Variants in SPOCK1 observed in about 807,000 individuals in gnomAD.
The protein encoded by SPOCK1 is SPARC (osteonectin), cwcv and kazal like domains proteoglycan 1.
In SPOCK1, 23 loss-of-function variants were observed where a neutral mutation model predicts 55.3. That is an observed-to-expected ratio of 0.42 (90% CI 0.30 to 0.59). The LOEUF (loss-of-function observed/expected upper bound fraction) is 0.59, where lower values mean the gene tolerates loss of function less well. SPOCK1 is among the 20% of genes least tolerant of loss of function. SPOCK1 has a pLI of 0.22. For synonymous variants in SPOCK1, 226 were observed against 221.0 expected (o/e 1.02, Z -0.20); for missense variants, 499 against 552.5 (o/e 0.90, Z 0.97).
At chr5:137,246,780 G>T (rs892617) in intron 3 of SPOCK1, among the ~76,000 whole-genome samples, 10,253 of 152,170 alleles carry the variant, frequency 0.067, 1,059 homozygotes, top group African/African-American at 0.23. Context: ...ACATGTGGCC[G>T]TGGCACATGA....
intron 5 of SPOCK1, among the ~76,000 whole-genome samples, chr5:137,069,588 G>A (rs1388538422): frequency 6.6e-6 from 1 of 152,184 alleles, no homozygotes; most frequent in African/African-American, 2.4e-5. Flanking sequence ...GTGGACTGAA[G>A]GTGAGCCGAG....
intron 2 of SPOCK1, among the ~76,000 whole-genome samples, chr5:137,459,738 G>C (rs1172925164): frequency 6.6e-6 from 1 of 152,136 alleles, no homozygotes; most frequent in East Asian, 1.9e-4. Context: ...GTACACTGGA[G>C]GAGATAAAAA....
chr5:137,261,268 A>G (rs941003656), intron 3 of SPOCK1, among the ~76,000 whole-genome samples: 5 of 151,858 alleles, frequency 3.3e-5, no homozygotes, highest in African/African-American at 9.7e-5. Context: ...GAGAAGGAAA[A>G]CTCCCCTTCT....
intron 6 of SPOCK1, among the ~76,000 whole-genome samples, chr5:137,021,725 T>C (rs1192742656): frequency 6.6e-6 from 1 of 152,244 alleles, no homozygotes; most frequent in Admixed American, 6.5e-5. Context: ...CAAATTATTC[T>C]GGTTGTTCAA....
At chr5:137,015,621 C>A (rs769763864) in intron 6 of SPOCK1, among the ~76,000 whole-genome samples, 1 of 152,212 alleles carries the variant, frequency 6.6e-6, no homozygotes, top group African/African-American at 2.4e-5. Context: ...GATGTTGTCA[C>A]CCTTTGACAG....
At chr5:137,498,293 CA>C in intron 2 of SPOCK1, 79 bp downstream of exon 2, 1 of 1,377,800 alleles carries the variant, frequency 7.3e-7, no homozygotes, top group Non-Finnish European at 9.6e-7. Context: ...CACACACACA[CA>C]CACACACCCC....
At chr5:137,141,002 C>T (rs1229888454) in intron 3 of SPOCK1, among the ~76,000 whole-genome samples, 1 of 152,030 alleles carries the variant, frequency 6.6e-6, no homozygotes, top group Non-Finnish European at 1.5e-5. Flanking sequence ...TCAGATGATC[C>T]ACCTGCCTCG....
intron 2 of SPOCK1, among the ~76,000 whole-genome samples, chr5:137,465,616 CAA>C (rs1462728655): frequency 3.3e-5 from 5 of 152,012 alleles, no homozygotes; most frequent in African/African-American, 1.2e-4. Context: ...GTCACACACT[CAA>C]GACACATTTC....
chr5:136,982,262 G>C (rs1750747039), intron 9 of SPOCK1, among the ~76,000 whole-genome samples: 1 of 152,148 alleles, frequency 6.6e-6, no homozygotes, highest in South Asian at 2.1e-4. Context: ...ATAAAAAACA[G>C]ATTTGCTTTG....
intron 2 of SPOCK1, among the ~76,000 whole-genome samples, chr5:137,420,725 C>T (rs113456758): frequency 1 from 152,129 of 152,296 alleles, 75,981 homozygotes; most frequent in Middle Eastern, 1. Flanking sequence ...CTATCAATTT[C>T]GTTGATCTTT....
At chr5:137,019,881 TGTAACACACAAACC>T (rs1282795554) in intron 6 of SPOCK1, among the ~76,000 whole-genome samples, 5 of 151,802 alleles carry the variant, frequency 3.3e-5, no homozygotes, top group African/African-American at 7.3e-5. Flanking sequence ...AGTTAGAAAA[TGTAACACACAAACC>T]CATATCAATA....
At chr5:137,325,916 C>G (rs538273897) in intron 2 of SPOCK1, among the ~76,000 whole-genome samples, 1 of 152,144 alleles carries the variant, frequency 6.6e-6, no homozygotes. Flanking sequence ...AAGGAAACAG[C>G]GAGTGCAAAG....
intron 3 of SPOCK1, among the ~76,000 whole-genome samples, chr5:137,189,813 A>G (rs534985003): frequency 6.6e-6 from 1 of 152,256 alleles, no homozygotes; most frequent in East Asian, 1.9e-4. Flanking sequence ...ATGATTCATA[A>G]GTCTATATGC....
intron 2 of SPOCK1, among the ~76,000 whole-genome samples, chr5:137,302,921 A>G (rs1286037967): frequency 6.6e-6 from 1 of 152,192 alleles, no homozygotes; most frequent in Non-Finnish European, 1.5e-5. Context: ...GGGCTGGCAC[A>G]AAGTAGGGAC....
At chr5:137,254,383 T>A (rs2127108374) in intron 3 of SPOCK1, among the ~76,000 whole-genome samples, 1 of 152,302 alleles carries the variant, frequency 6.6e-6, no homozygotes. Context: ...TCTTCCACCA[T>A]GAGAAACCCT....
intron 5 of SPOCK1, among the ~76,000 whole-genome samples, chr5:137,101,872 T>G (rs553413684): frequency 2.6e-5 from 4 of 152,206 alleles, no homozygotes; most frequent in African/African-American, 9.6e-5. Flanking sequence ...AAAAACATCC[T>G]GAATTAAAAT....
At chr5:137,227,670 A>G (rs1034220757) in intron 3 of SPOCK1, among the ~76,000 whole-genome samples, 1 of 152,234 alleles carries the variant, frequency 6.6e-6, no homozygotes, top group Non-Finnish European at 1.5e-5. Flanking sequence ...CCCAAACTCA[A>G]TAACTCTCTT....
At chr5:137,177,377 G>T (rs924843428) in intron 3 of SPOCK1, among the ~76,000 whole-genome samples, 1 of 152,158 alleles carries the variant, frequency 6.6e-6, no homozygotes, top group African/African-American at 2.4e-5. Context: ...GGTTGGAGGA[G>T]ACCAGAGGCC....
intron 3 of SPOCK1, among the ~76,000 whole-genome samples, chr5:137,245,992 T>TA (rs1756388257): frequency 6.6e-6 from 1 of 152,206 alleles, no homozygotes; most frequent in African/African-American, 2.4e-5. Flanking sequence ...TAACACCTAT[T>TA]AACAGGACAA....
Sources: allele counts gnomAD v4.1 joint callset (sites outside exome capture counted in the v4.1 genomes callset), GRCh38; gene constraint gnomAD v4.1.1; transcripts MANE v1.5; gene names NCBI Gene and HGNC (gene_info 2026-07-23, HGNC 2026-07-21).